The following PPM1A variants were observed in gnomAD, a reference collection of about 807,000 sequenced individuals.
The protein encoded by PPM1A is protein phosphatase 1A.
In PPM1A, 7 loss-of-function variants were observed where a neutral mutation model predicts 35.0. The observed-to-expected ratio is 0.20, with a 90% confidence interval of 0.11 to 0.38. The LOEUF is 0.38. PPM1A is among the 10% of genes least tolerant of loss of function. PPM1A has a pLI of 1.00. For missense variants in PPM1A, 239 were observed against 467.8 expected (o/e 0.51, Z 4.51); for synonymous variants, 153 against 167.3 (o/e 0.91, Z 0.66).
At chr14:60,286,765 C>G (rs1887059119) in intron 3 of PPM1A, 19 of 981,162 alleles carry the variant, frequency 1.9e-5, no homozygotes, top group Non-Finnish European at 2.3e-5. Context: ...TTAGTACTGT[C>G]TAGAGCTACT....
chr14:60,277,999 T>C (rs1885944934), intron 1 of PPM1A, among the ~76,000 whole-genome samples: 1 of 152,232 alleles, frequency 6.6e-6, no homozygotes, highest in Non-Finnish European at 1.5e-5. Context: ...TGACTTAACC[T>C]CACCGTGGCT....
At chr14:60,272,570 G>A (rs1005934732) in intron 1 of PPM1A, among the ~76,000 whole-genome samples, 8 of 151,928 alleles carry the variant, frequency 5.3e-5, no homozygotes, top group Non-Finnish European at 7.4e-5. Flanking sequence ...TTAACTGGGC[G>A]TGGTGGCACA....
At chr14:60,263,250 T>C (rs1425980904) in intron 1 of PPM1A, among the ~76,000 whole-genome samples, 1 of 152,132 alleles carries the variant, frequency 6.6e-6, no homozygotes, top group Non-Finnish European at 1.5e-5. Flanking sequence ...AAGGGCACTC[T>C]AATGTGCACA....
chr14:60,265,843 A>G (rs1471993126), intron 1 of PPM1A, among the ~76,000 whole-genome samples: 3 of 152,228 alleles, frequency 2.0e-5, no homozygotes, highest in South Asian at 4.1e-4. Flanking sequence ...GCATTACTCA[A>G]TTCATGAGGG....
At chr14:60,278,742 A>G (rs1355959255) in intron 1 of PPM1A, among the ~76,000 whole-genome samples, 1 of 152,184 alleles carries the variant, frequency 6.6e-6, no homozygotes, top group Non-Finnish European at 1.5e-5. Context: ...TTATACTTTT[A>G]GCAAATATGT....
chr14:60,293,773 T>C lies in PPM1A; in HGVS notation c.*1291T>C, dbSNP rs867146133. 6.6e-6 allele frequency: 1 copy of C among 151,946 alleles called. No homozygotes were observed. The highest frequency in any genetic ancestry group is 6.6e-5 in the Admixed American group (1 of 15,222). 9.4% of individuals were successfully genotyped at this position (151,946 alleles called of 1,614,324 possible). On this transcript the variant is annotated 3_prime_UTR_variant, in exon 6 of 6. Transcript: ENST00000395076. The surrounding 1 kb of genome is among the most constrained non-coding windows in gnomAD (Gnocchi z 4.0). ...TAAGATGTATTTGTGATTTGAAATA[T>C]AGCATGTTGATAATATTTAGCTGTT...
intron 1 of PPM1A, among the ~76,000 whole-genome samples, chr14:60,255,868 G>A (rs1412858704): frequency 6.6e-6 from 1 of 152,064 alleles, no homozygotes; most frequent in Non-Finnish European, 1.5e-5. Flanking sequence ...TGGCTTTGAG[G>A]GTTAACAGGA....
Position 60,285,645 on chromosome 14 carries a change from G to A in PPM1A, c.856G>A (p.Val286Met), listed in dbSNP as rs779450165. The stretch of plus-strand genomic sequence containing the variant: ...CCAGGGAAGTCGAGACAACATGAGT[G>A]TGATTTTGATCTGTTTTCCAAATGC... Reference protein sequence around the residue: ...LYKGSRDNMSVILICFPNAPK... With the variant: ...LYKGSRDNMSMILICFPNAPK... The change falls in exon 3 of 6, where the codon GTG becomes ATG. Residue 286 changes from valine to methionine, a missense_variant. Val to Met is a conservative substitution (Grantham distance 21, BLOSUM62 1). Coordinates refer to ENST00000395076, the MANE Select transcript of PPM1A (RefSeq NM_021003.5). The A allele has an allele frequency of 1.2e-6, 2 of 1,613,728 alleles. No individual in the cohort carries two copies. Among genetic ancestry groups the A allele is most frequent in the Admixed American group, 1.7e-5 (1 of 59,956 alleles).
At chr14:60,248,537 T>G (rs542774478), upstream of PPM1A, 1 of 152,664 alleles carries the variant, frequency 6.6e-6, no homozygotes, top group South Asian at 2.1e-4. Flanking sequence ...GCGAGGTGTG[T>G]GGCCGTGGCA....
chr14:60,285,771 T>C (rs370060743), intron 3 of PPM1A, 30 bp downstream of exon 3: 62 of 1,598,804 alleles, frequency 3.9e-5, no homozygotes, highest in Non-Finnish European at 5.2e-5. Context: ...ATAAGTAGCT[T>C]TATTAAAGAA....
chr14:60,269,170 T>C (rs900557588), intron 1 of PPM1A, among the ~76,000 whole-genome samples: 2 of 152,334 alleles, frequency 1.3e-5, no homozygotes, highest in African/African-American at 4.8e-5. Flanking sequence ...TTGTCTGAAA[T>C]TGAAATTGCA....
At position 60,249,483 on chromosome 14, in the gene PPM1A, G is replaced by C. The variant is rs1312485899; in HGVS notation, c.-215G>C. On this transcript the variant is annotated 5_prime_UTR_variant, in exon 1 of 6. Coordinates refer to ENST00000395076, the MANE Select transcript of PPM1A (RefSeq NM_021003.5). This position sits in a 1 kb window ranked among gnomAD's most constrained non-coding sequence, Gnocchi z 4.5. ...ACGCCCGGATGATCTGAGCCGCGAG[G>C]GCGCCGACAGCCGGGGGCCCGGACG... 12 of 985,434 alleles carry C rather than the reference G, an allele frequency of 1.2e-5. No homozygotes were observed. The highest frequency in any genetic ancestry group is 1.3e-5 in the Non-Finnish European group (11 of 830,336). 61.0% of individuals were successfully genotyped at this position (985,434 alleles called of 1,614,324 possible).
At position 60,282,408 on chromosome 14, in the gene PPM1A, T is replaced by C. The variant is rs537434844; in HGVS notation, c.-20-276T>C. Among the ~76,000 whole-genome samples, 1 of 152,354 alleles carries C rather than the reference T, an allele frequency of 6.6e-6. No individual in the cohort carries two copies. Among genetic ancestry groups the C allele is most frequent in the Admixed American group, 6.5e-5 (1 of 15,308 alleles). ...AAACATTTAGCCTGGTTGGTTTAAGTTGATGGCCACTGCCAGGTCTCCTTT... is the reference window on the plus strand; with the variant it reads ...AAACATTTAGCCTGGTTGGTTTAAGCTGATGGCCACTGCCAGGTCTCCTTT... On this transcript the variant is annotated intron_variant, in intron 1 of 5. Transcript: ENST00000395076. This position sits in a 1 kb window ranked among gnomAD's most constrained non-coding sequence, Gnocchi z 5.1.
At chr14:60,247,860 T>TA (rs1566561058), upstream of PPM1A, among the ~76,000 whole-genome samples, 1 of 152,062 alleles carries the variant, frequency 6.6e-6, no homozygotes. Flanking sequence ...TCAAGTAAAA[T>TA]AGAGAGGCCT....
Position 60,292,497 on chromosome 14 carries a change from C to T in PPM1A, c.*15C>T. On this transcript the variant is annotated 3_prime_UTR_variant, in exon 6 of 6. Transcript: ENST00000395076. The surrounding 1 kb of genome is among the most constrained non-coding windows in gnomAD (Gnocchi z 4.2). ...ATATGTGGTAAAACTGCTCATCTAGCCATGGAGTTTACCTTCACCTCCAAA... is the reference window on the plus strand; with the variant it reads ...ATATGTGGTAAAACTGCTCATCTAGTCATGGAGTTTACCTTCACCTCCAAA... 2 of 1,590,400 alleles carry T rather than the reference C, an allele frequency of 1.3e-6. No homozygotes were observed. Among genetic ancestry groups the T allele is most frequent in the South Asian group, 2.2e-5 (2 of 90,382 alleles).
Position 60,295,201 on chromosome 14 carries a change from C to T in PPM1A, c.*2719C>T, listed in dbSNP as rs994680903. The T allele has an allele frequency of 6.6e-6, 1 of 151,820 alleles. No individual in the cohort carries two copies. Among genetic ancestry groups the T allele is most frequent in the East Asian group, 1.9e-4 (1 of 5,190 alleles). 9.4% of individuals were successfully genotyped at this position (151,820 alleles called of 1,614,324 possible). ...ATTTGCTGCTATGAATAGGAAATAACATTTTGTATAGCAGGCTCTGTTTTA... is the reference window on the plus strand; with the variant it reads ...ATTTGCTGCTATGAATAGGAAATAATATTTTGTATAGCAGGCTCTGTTTTA... On this transcript the variant is annotated 3_prime_UTR_variant, in exon 6 of 6. Transcript: ENST00000395076.
Position 60,293,989 on chromosome 14 carries a change from T to TA in PPM1A, c.*1509dup, listed in dbSNP as rs1291727595. 6.6e-6 allele frequency: 1 copy of TA among 151,954 alleles called. No individual in the cohort carries two copies. Among genetic ancestry groups the TA allele is most frequent in the African/African-American group, 2.4e-5 (1 of 41,404 alleles). The allele number at this position is 151,954 out of a possible 1,614,324, so 9.4% of individuals were successfully genotyped here. On this transcript the variant is annotated 3_prime_UTR_variant, in exon 6 of 6. Transcript: ENST00000395076. This position sits in a 1 kb window ranked among gnomAD's most constrained non-coding sequence, Gnocchi z 4.0. ...GTTGAATATTGTATTTATCACCATG[T>TA]AATCATTCAGTAGGCAGATTCCCAC...
chr14:60,281,231 A>G (rs1300010009), intron 1 of PPM1A, among the ~76,000 whole-genome samples: 1 of 152,214 alleles, frequency 6.6e-6, no homozygotes, highest in African/African-American at 2.4e-5. Flanking sequence ...TCTGATAAAT[A>G]TCACCATAAG....
rs1255403865 is a variant in PPM1A at position 60,249,700 on chromosome 14, C to CGGCGGGCT, written c.-21+31_-21+38dup. ...CGGGTAAGTGCGGCGCTCGGGCCGACGGCGGGCTGGCGGGCGGTGCGGGCC... is the reference window on the plus strand; with the variant it reads ...CGGGTAAGTGCGGCGCTCGGGCCGACGGCGGGCTGGCGGGCTGGCGGGCGGTGCGGGCC... On this transcript the variant is annotated intron_variant, in intron 1 of 5. Coordinates refer to ENST00000395076, the MANE Select transcript of PPM1A (RefSeq NM_021003.5). This position sits in a 1 kb window ranked among gnomAD's most constrained non-coding sequence, Gnocchi z 4.5. The CGGCGGGCT allele has an allele frequency of 5.2e-4, 516 of 983,612 alleles. No individual in the cohort carries two copies. Among genetic ancestry groups the CGGCGGGCT allele is most frequent in the Admixed American group, 4.1e-3 (66 of 16,022 alleles). The allele number at this position is 983,612 out of a possible 1,614,324, so 60.9% of individuals were successfully genotyped here.
Sources: allele counts gnomAD v4.1 joint callset (sites outside exome capture counted in the v4.1 genomes callset), GRCh38; gene constraint gnomAD v4.1.1; non-coding constraint Gnocchi (gnomAD v3.1); transcripts MANE v1.5; gene names NCBI Gene and HGNC (gene_info 2026-07-23, HGNC 2026-07-21).